Variants in NEGR1 observed in about 807,000 individuals in gnomAD.
NEGR1 encodes the protein IgLON family member 4.
In NEGR1, 10 loss-of-function variants were observed where a neutral mutation model predicts 40.9. The ratio of observed to expected loss-of-function variants is 0.24; its 90% CI spans 0.15 to 0.42. The LOEUF (loss-of-function observed/expected upper bound fraction) is 0.42. Ranked by LOEUF, NEGR1 falls within the 10% of genes least tolerant of loss-of-function variation. The pLI is 1.00. For synonymous variants in NEGR1, 185 were observed against 166.8 expected, an observed-to-expected ratio of 1.11 and a Z score of -0.84; for missense variants, 352 against 438.9, an observed-to-expected ratio of 0.80 and a Z score of 1.77.
At chr1:71,687,433 T>A (rs1653076298) in intron 4 of NEGR1, among the ~76,000 whole-genome samples, 1 of 152,214 alleles carries the variant, frequency 6.6e-6, no homozygotes, top group African/African-American at 2.4e-5. Context: ...ATTTGTTTGT[T>A]TTTTGCACTG....
At chr1:71,857,187 A>C (rs1659798003) in intron 2 of NEGR1, among the ~76,000 whole-genome samples, 1 of 152,026 alleles carries the variant, frequency 6.6e-6, no homozygotes, top group Non-Finnish European at 1.5e-5. Flanking sequence ...TATAGACTTC[A>C]TTGCTGTAAA....
intron 6 of NEGR1, among the ~76,000 whole-genome samples, chr1:71,478,891 G>T (rs1238599275): frequency 6.6e-6 from 1 of 151,926 alleles, no homozygotes; most frequent in African/African-American, 2.4e-5. Flanking sequence ...GTGACACATA[G>T]AGTGACACTG....
intron 1 of NEGR1, among the ~76,000 whole-genome samples, chr1:72,219,841 T>A (rs950096831): frequency 6.6e-6 from 1 of 152,134 alleles, no homozygotes; most frequent in African/African-American, 2.4e-5. Flanking sequence ...TAGTGAAGAT[T>A]GCATCTATTA....
intron 1 of NEGR1, among the ~76,000 whole-genome samples, chr1:72,208,954 T>A (rs1653503259): frequency 6.6e-6 from 1 of 151,636 alleles, no homozygotes; most frequent in African/African-American, 2.4e-5. Context: ...GAAAAAAATA[T>A]TGTAAGTTTC....
chr1:72,035,871 T>A (rs1646897374), intron 1 of NEGR1, among the ~76,000 whole-genome samples: 1 of 152,180 alleles, frequency 6.6e-6, no homozygotes, highest in Non-Finnish European at 1.5e-5. Flanking sequence ...AAAGCTCACA[T>A]GGCTCTTGAG....
intron 6 of NEGR1, among the ~76,000 whole-genome samples, chr1:71,415,653 A>C (rs572042275): frequency 1.3e-4 from 20 of 152,286 alleles, no homozygotes; most frequent in African/African-American, 4.8e-4. Flanking sequence ...TATCCTTCCT[A>C]GTTGCTGAAA....
chr1:72,218,502 A>C (rs566585555), intron 1 of NEGR1, among the ~76,000 whole-genome samples: 70 of 152,236 alleles, frequency 4.6e-4, no homozygotes, highest in Middle Eastern at 6.8e-3. Context: ...ATGGTAAATA[A>C]AAATAATGTA....
At chr1:72,105,681 C>T (rs1486091) in intron 1 of NEGR1, among the ~76,000 whole-genome samples, 83,382 of 151,846 alleles carry the variant, frequency 0.55, 23,699 homozygotes, top group African/African-American at 0.7. Flanking sequence ...ACGATAGTTT[C>T]AAACATGGAG....
At chr1:72,085,939 C>T (rs1050463381) in intron 1 of NEGR1, among the ~76,000 whole-genome samples, 1 of 145,262 alleles carries the variant, frequency 6.9e-6, no homozygotes, top group Non-Finnish European at 1.5e-5. Flanking sequence ...CACTGTACTC[C>T]AGCCTGGCGA....
chr1:71,421,617 T>G (rs1437671571), intron 6 of NEGR1: 1 of 152,088 alleles, frequency 6.6e-6, no homozygotes, highest in Non-Finnish European at 1.5e-5. Flanking sequence ...CATTTCACAC[T>G]AACTTCACTT....
chr1:71,506,187 C>T (rs1274172120), intron 6 of NEGR1, among the ~76,000 whole-genome samples: 1 of 152,164 alleles, frequency 6.6e-6, no homozygotes, highest in Non-Finnish European at 1.5e-5. Context: ...AAAAGGAACC[C>T]AATCCCTCGC....
rs528095534 is a variant in NEGR1, at chr1:71,488,399, T to G, written c.941-80829A>C. 5.3e-5 allele frequency among the ~76,000 whole-genome samples: 8 copies of G among 151,836 alleles called. No homozygotes were observed. In the South Asian group the frequency reaches 1.7e-3, roughly 31 times the overall value. The stretch of plus-strand genomic sequence containing the variant: ...AAACAATTTTGTCAACTCTAATGCC[T>G]TGTAAAAAGTCACTTTCTGCTTATG... On this transcript the variant is annotated intron_variant, in intron 6 of 6. Coordinates refer to ENST00000357731, the MANE Select transcript of NEGR1 (RefSeq NM_173808.3).
At chr1:71,471,942 A>G (rs1290559278) in intron 6 of NEGR1, among the ~76,000 whole-genome samples, 1 of 151,968 alleles carries the variant, frequency 6.6e-6, no homozygotes, top group Admixed American at 6.6e-5. Flanking sequence ...TTCTTATCTT[A>G]TTCTCTATTC....
intron 1 of NEGR1, among the ~76,000 whole-genome samples, chr1:72,107,109 TA>T (rs1649165491): frequency 6.6e-6 from 1 of 151,786 alleles, no homozygotes; most frequent in East Asian, 1.9e-4. Context: ...CACGTAATCT[TA>T]AAAGTAGGTT....
chr1:72,218,613 T>C (rs929145961), intron 1 of NEGR1, among the ~76,000 whole-genome samples: 1 of 151,742 alleles, frequency 6.6e-6, no homozygotes, highest in African/African-American at 2.4e-5. Context: ...TTATAGGGAG[T>C]TGTTTTTTTT....
At chr1:71,807,282 C>T (rs1657812602) in intron 2 of NEGR1, among the ~76,000 whole-genome samples, 1 of 152,168 alleles carries the variant, frequency 6.6e-6, no homozygotes, top group Non-Finnish European at 1.5e-5. Flanking sequence ...TGCAATAAAG[C>T]ACTGAAATAT....
Position 71,442,641 on chromosome 1 carries a change from G to T in NEGR1, c.941-35071C>A, listed in dbSNP as rs183019219. Among the ~76,000 whole-genome samples, 9 of 152,002 alleles carry T rather than the reference G, an allele frequency of 5.9e-5. 1 individual carries two copies. The highest frequency in any genetic ancestry group is 1.3e-4 in the Admixed American group (2 of 15,246). ...AAAATAAATAAATAAATAAATTAAT[G>T]AATTAATTAATAAAATTGAACATTT... On this transcript the variant is annotated intron_variant, in intron 6 of 6. Coordinates refer to ENST00000357731, the MANE Select transcript of NEGR1 (RefSeq NM_173808.3).
chr1:71,564,051 A>T (rs1438842066), intron 6 of NEGR1, among the ~76,000 whole-genome samples: 2 of 152,038 alleles, frequency 1.3e-5, no homozygotes, highest in Non-Finnish European at 2.9e-5. Flanking sequence ...AAGGTATTCT[A>T]CATTTTTATC....
chr1:71,629,411 T>G (rs1269091047), intron 4 of NEGR1, among the ~76,000 whole-genome samples: 1 of 152,090 alleles, frequency 6.6e-6, no homozygotes, highest in Non-Finnish European at 1.5e-5. Flanking sequence ...CTTATTTCCT[T>G]GAGCAGTGGT....
Sources: gnomAD v4.1 joint callset for allele counts (sites outside exome capture counted in the v4.1 genomes callset) on GRCh38, gnomAD v4.1.1 for gene constraint, MANE v1.5 for transcripts, NCBI Gene and HGNC (gene_info 2026-07-23, HGNC 2026-07-21) for gene names.